The following TRAK1 variants were observed in gnomAD, a reference collection of about 807,000 sequenced individuals.
TRAK1 encodes trafficking kinesin protein 1.
TRAK1 carries 33 observed loss-of-function variants against 92.1 expected under a neutral mutation model. The ratio of observed to expected loss-of-function variants is 0.36; its 90% CI spans 0.27 to 0.48. TRAK1 has a LOEUF of 0.48. TRAK1 is among the 20% of genes least tolerant of loss of function. The probability of loss-of-function intolerance (pLI) is 0.99; values close to 1 mark genes in which losing one functional copy is unlikely to be tolerated. For missense variants in TRAK1, 1,123 were observed against 1,257.9 expected (o/e 0.89, Z 1.62); for synonymous variants, 521 against 517.3 (o/e 1.01, Z -0.10).
chr3:42,157,106 C>T (rs535724535), intron 2 of TRAK1, among the ~76,000 whole-genome samples: 10 of 151,128 alleles, frequency 6.6e-5, no homozygotes, highest in East Asian at 3.9e-4. Context: ...AAGCAGAGAT[C>T]GCACCACTGC....
At chr3:42,160,309 C>A in intron 2 of TRAK1, 2 of 1,601,570 alleles carry the variant, frequency 1.2e-6, no homozygotes, top group Non-Finnish European at 8.5e-7. Flanking sequence ...GTCGGGGGCA[C>A]CCCCAAGGAT....
intron 1 of TRAK1, among the ~76,000 whole-genome samples, chr3:42,048,569 T>C (rs1234553280): frequency 6.7e-6 from 1 of 149,858 alleles, no homozygotes; most frequent in Non-Finnish European, 1.5e-5. Context: ...TTCTTTTCTT[T>C]TTTTTTTTTT....
At chr3:42,178,991 A>G (rs981904493) in intron 3 of TRAK1, among the ~76,000 whole-genome samples, 1 of 152,150 alleles carries the variant, frequency 6.6e-6, no homozygotes. Context: ...AAAACAAAAC[A>G]AAACAAAATT....
At chr3:42,123,461 C>T (rs1248369484) in intron 1 of TRAK1, among the ~76,000 whole-genome samples, 1 of 152,266 alleles carries the variant, frequency 6.6e-6, no homozygotes, top group Non-Finnish European at 1.5e-5. Flanking sequence ...CTGGCCCTTC[C>T]TGCTTCCTGT....
At chr3:42,160,126 CTCCT>C in intron 2 of TRAK1, 1 of 1,261,310 alleles carries the variant, frequency 7.9e-7, no homozygotes, top group Non-Finnish European at 1.0e-6. Context: ...CACCCCGCCC[CTCCT>C]CCAGGCTCAT....
intron 15 of TRAK1, chr3:42,220,532 C>T (rs1188152136): frequency 4.1e-6 from 4 of 985,284 alleles, no homozygotes; most frequent in East Asian, 2.3e-4. Flanking sequence ...CAGCCATATG[C>T]CCCGTTGAGC....
chr3:42,079,373 C>A lies in TRAK1; in HGVS notation c.-518-7731C>A, dbSNP rs1704314993. Among the ~76,000 whole-genome samples, 4 of 152,168 alleles carry A rather than the reference C, an allele frequency of 2.6e-5. No individual in the cohort carries two copies. The South Asian group carries it at 8.3e-4, about 32-fold the overall frequency. On this transcript the variant is annotated intron_variant, in intron 1 of 16. Transcript: ENST00000487159. ...CCTGGCTGGCCATGGAGGGGATCAC[C>A]CAGGACTAGCTTCTCCTTGTCACCT...
intron 1 of TRAK1, among the ~76,000 whole-genome samples, chr3:42,076,187 A>G (rs1704146563): frequency 7.2e-6 from 1 of 139,246 alleles, no homozygotes; most frequent in Non-Finnish European, 1.5e-5. Flanking sequence ...AAATTTGTTT[A>G]AGTTCCTCAT....
chr3:42,122,011 T>C (rs1374230398), intron 1 of TRAK1, among the ~76,000 whole-genome samples: 1 of 151,878 alleles, frequency 6.6e-6, no homozygotes, highest in Non-Finnish European at 1.5e-5. Context: ...GGAGACAGGG[T>C]TTCACCGTGT....
chr3:42,107,355 T>TA (rs368649532), intron 1 of TRAK1, among the ~76,000 whole-genome samples: 31 of 151,974 alleles, frequency 2.0e-4, no homozygotes, highest in African/African-American at 6.3e-4. Context: ...TCTACTAAAA[T>TA]ACGAAAATTA....
chr3:42,069,857 T>C (rs1559735881), intron 1 of TRAK1, among the ~76,000 whole-genome samples: 2 of 152,142 alleles, frequency 1.3e-5, no homozygotes, highest in Non-Finnish European at 2.9e-5. Flanking sequence ...GAAGTGGAAT[T>C]GCTTTTTTTT....
intron 2 of TRAK1, among the ~76,000 whole-genome samples, chr3:42,134,154 T>G (rs1697581584): frequency 6.8e-6 from 1 of 148,028 alleles, no homozygotes; most frequent in Non-Finnish European, 1.5e-5. Context: ...TTTCCTTCCT[T>G]CCTCCCCTTC....
intron 14 of TRAK1, among the ~76,000 whole-genome samples, chr3:42,216,541 C>T (rs1052651668): frequency 1.3e-5 from 2 of 152,178 alleles, no homozygotes; most frequent in Non-Finnish European, 1.5e-5. Context: ...CCACCTGTAG[C>T]TAGCTGAAGG....
At chr3:42,102,883 C>T (rs1278840502) in intron 1 of TRAK1, among the ~76,000 whole-genome samples, 2 of 152,158 alleles carry the variant, frequency 1.3e-5, no homozygotes, top group East Asian at 1.9e-4. Flanking sequence ...TCTCTGCTTC[C>T]TGCCTCTATC....
intron 2 of TRAK1, among the ~76,000 whole-genome samples, chr3:42,134,896 G>A (rs1017995182): frequency 4.6e-5 from 7 of 150,640 alleles, no homozygotes; most frequent in African/African-American, 1.5e-4. Flanking sequence ...TTTCTTTAGA[G>A]ACAGTCTTGC....
rs771208337 is a variant in TRAK1 at position 42,225,056 on chromosome 3, G to A, written c.*1319G>A. On this transcript the variant is annotated 3_prime_UTR_variant, in exon 16 of 16. Coordinates refer to ENST00000327628, the MANE Select transcript of TRAK1 (RefSeq NM_001042646.3). ...GGAGGCTGGTCCTGTTGCTGTCGCC[G>A]ATTAAGTTTTAAACTTTTATTTATT... 10 of 152,174 alleles carry A rather than the reference G, an allele frequency of 6.6e-5. No homozygotes were observed. The highest frequency in any genetic ancestry group is 9.7e-5 in the African/African-American group (4 of 41,438). 9.4% of individuals were successfully genotyped at this position (152,174 alleles called of 1,614,324 possible). A position where few individuals can be genotyped will look rare whatever the true frequency, so the allele number is the denominator to read the frequency against.
chr3:42,145,484 C>CA (rs11381054), intron 2 of TRAK1, among the ~76,000 whole-genome samples: 18,119 of 89,316 alleles, frequency 0.2, 1,140 homozygotes, highest in Middle Eastern at 0.23. Flanking sequence ...GACTCTGTCT[C>CA]AAAAAAAAAA....
chr3:42,173,616 T>C (rs1343956003), intron 2 of TRAK1, among the ~76,000 whole-genome samples: 1 of 152,164 alleles, frequency 6.6e-6, no homozygotes, highest in African/African-American at 2.4e-5. Context: ...ACATCGATGG[T>C]TTGTGCCTTG....
chr3:42,026,366 G>A (rs1701915965), intron 1 of TRAK1, among the ~76,000 whole-genome samples: 1 of 152,082 alleles, frequency 6.6e-6, no homozygotes, highest in Non-Finnish European at 1.5e-5. Flanking sequence ...CTGGCACAGT[G>A]GTAGTTTTTG....
Sources: gnomAD v4.1 joint callset for allele counts (sites outside exome capture counted in the v4.1 genomes callset) on GRCh38, gnomAD v4.1.1 for gene constraint, MANE v1.5 for transcripts, NCBI Gene and HGNC (gene_info 2026-07-23, HGNC 2026-07-21) for gene names.